The following PEX14 variants were observed in gnomAD, a reference collection of about 807,000 sequenced individuals.
PEX14 encodes peroxisomal membrane protein PEX14.
Under a neutral mutation model 49.5 loss-of-function variants are expected in PEX14, and 15 were observed. The observed-to-expected ratio is 0.30, with a 90% CI of 0.20 to 0.47. The LOEUF is 0.47. Ranked by LOEUF, PEX14 falls within the 20% of genes least tolerant of loss-of-function variation. The pLI is 1.00. For synonymous variants in PEX14, 210 were observed against 212.7 expected (o/e 0.99, Z 0.11); for missense variants, 398 against 494.8 (o/e 0.80, Z 1.86).
intron 2 of PEX14, among the ~76,000 whole-genome samples, chr1:10,518,734 T>C (rs11584327): frequency 0.41 from 62,171 of 152,046 alleles, 14,328 homozygotes; most frequent in East Asian, 0.54. Flanking sequence ...TTCCTTCAGT[T>C]GCCTGCATGG....
chr1:10,553,764 T>C (rs1639401845), intron 3 of PEX14, among the ~76,000 whole-genome samples: 1 of 152,200 alleles, frequency 6.6e-6, no homozygotes, highest in Non-Finnish European at 1.5e-5. Context: ...GTCATCTGTT[T>C]CCTCATCTGC....
intron 3 of PEX14, among the ~76,000 whole-genome samples, chr1:10,573,835 TC>T (rs2124555226): frequency 6.6e-6 from 1 of 152,348 alleles, no homozygotes; most frequent in South Asian, 2.1e-4. Flanking sequence ...GTGCGGTAGC[TC>T]ACGCCTGTAA....
Position 10,495,686 on chromosome 1 carries a change from C to A in PEX14, c.84+365C>A, listed in dbSNP as rs938849549. On this transcript the variant is annotated intron_variant, in intron 2 of 8. Transcript: ENST00000356607. This position sits in a 1 kb window ranked among gnomAD's most constrained non-coding sequence, Gnocchi z 4.2. ...AGTAGCCGCCCTCTGCTCTGCCCCT[C>A]AGGGTGCGAGCGCCTCAGTGGTCTT... Among the ~76,000 whole-genome samples, 1 of 152,198 alleles carries A rather than the reference C, an allele frequency of 6.6e-6. No individual in the cohort carries two copies. Among genetic ancestry groups the A allele is most frequent in the African/African-American group, 2.4e-5 (1 of 41,440 alleles).
At chr1:10,550,759 C>T (rs574935641) in intron 3 of PEX14, among the ~76,000 whole-genome samples, 1 of 152,230 alleles carries the variant, frequency 6.6e-6, no homozygotes, top group Non-Finnish European at 1.5e-5. Flanking sequence ...TCTCTGTCAT[C>T]ACTGAGTTGA....
chr1:10,474,958 C>T lies in PEX14; in HGVS notation c.-9C>T. 3 of 1,607,136 alleles carry T rather than the reference C, an allele frequency of 1.9e-6. No individual in the cohort carries two copies. The highest frequency in any genetic ancestry group is 1.7e-6 in the Non-Finnish European group (2 of 1,176,994). On this transcript the variant is annotated 5_prime_UTR_variant, in exon 1 of 9. Coordinates refer to ENST00000356607, the MANE Select transcript of PEX14 (RefSeq NM_004565.3). Reference sequence around the variant, plus strand: ...CCCAGCGGCGGTTGATTAGTCAGGCCTCAGAAAGATGGCGTCCTCGGAGCA... The same window carrying T: ...CCCAGCGGCGGTTGATTAGTCAGGCTTCAGAAAGATGGCGTCCTCGGAGCA...
At chr1:10,627,115 G>A (rs571124546) in intron 7 of PEX14, among the ~76,000 whole-genome samples, 157 bp from the exon 8 acceptor site, 5 of 152,348 alleles carry the variant, frequency 3.3e-5, no homozygotes, top group South Asian at 2.1e-4. Flanking sequence ...ATCCAGAGAC[G>A]TGGCAGGCAG....
Position 10,618,432 on chromosome 1 carries a change from G to T in PEX14, c.384+15G>T. 1 of 1,595,504 alleles carries T rather than the reference G, an allele frequency of 6.3e-7. No homozygotes were observed. Among genetic ancestry groups the T allele is most frequent in the Non-Finnish European group, 8.6e-7 (1 of 1,164,516 alleles). ...AGCTCTACAAGGTGAGTCACCCCCA[G>T]CGGCTGCAGGTGCTGTGCCCCTGCC... On this transcript the variant is annotated intron_variant, in intron 5 of 8. Transcript: ENST00000356607.
chr1:10,592,162 G>A (rs755970153), intron 3 of PEX14, among the ~76,000 whole-genome samples: 9 of 152,206 alleles, frequency 5.9e-5, no homozygotes, highest in Non-Finnish European at 1.0e-4. Context: ...ACAAACACAC[G>A]TTTGGCTTAC....
At chr1:10,598,014 T>C (rs1640875736) in intron 3 of PEX14, among the ~76,000 whole-genome samples, 1 of 152,198 alleles carries the variant, frequency 6.6e-6, no homozygotes, top group African/African-American at 2.4e-5. Flanking sequence ...AAGATGCTGA[T>C]CCTCAGAACC....
intron 7 of PEX14, among the ~76,000 whole-genome samples, chr1:10,625,934 G>C (rs1249371256): frequency 6.6e-6 from 1 of 152,142 alleles, no homozygotes; most frequent in Non-Finnish European, 1.5e-5. Context: ...AGCTGCATGG[G>C]GCCACTGGCT....
intron 3 of PEX14, chr1:10,536,539 C>G (rs1336047252): frequency 3.9e-6 from 2 of 518,422 alleles, no homozygotes; most frequent in Non-Finnish European, 7.1e-6. Flanking sequence ...TCCATCATGG[C>G]AAAGGCAGCA....
intron 4 of PEX14, among the ~76,000 whole-genome samples, chr1:10,615,914 CT>C (rs1178585087): frequency 1.3e-5 from 2 of 152,214 alleles, no homozygotes; most frequent in Non-Finnish European, 2.9e-5. Context: ...GTGGGGAAGC[CT>C]TTTTTCACAG....
intron 3 of PEX14, among the ~76,000 whole-genome samples, chr1:10,593,382 C>G (rs1570320852): frequency 6.6e-6 from 1 of 152,236 alleles, no homozygotes; most frequent in Non-Finnish European, 1.5e-5. Context: ...AGAGGACATT[C>G]AGCTTCAGGG....
chr1:10,517,298 TG>T (rs1416220345), intron 2 of PEX14, among the ~76,000 whole-genome samples: 2 of 151,376 alleles, frequency 1.3e-5, no homozygotes, highest in Non-Finnish European at 2.9e-5. Context: ...GCAGTGGAGG[TG>T]GGGGTGAGGG....
At chr1:10,603,954 A>T (rs1641058018) in intron 4 of PEX14, among the ~76,000 whole-genome samples, 1 of 152,210 alleles carries the variant, frequency 6.6e-6, no homozygotes, top group Non-Finnish European at 1.5e-5. Flanking sequence ...CCTGAGAGAG[A>T]GTGAGTTATT....
chr1:10,548,388 CA>C (rs1639236144), intron 3 of PEX14, among the ~76,000 whole-genome samples: 1 of 152,168 alleles, frequency 6.6e-6, no homozygotes, highest in African/African-American at 2.4e-5. Context: ...ATGTTAGAAG[CA>C]GGGATTTTTG....
At chr1:10,569,882 C>G (rs1434045224) in intron 3 of PEX14, among the ~76,000 whole-genome samples, 1 of 152,120 alleles carries the variant, frequency 6.6e-6, no homozygotes, top group Non-Finnish European at 1.5e-5. Flanking sequence ...TACCGCTTGT[C>G]TTTATTCTAC....
chr1:10,483,178 C>G (rs987963610), intron 1 of PEX14, among the ~76,000 whole-genome samples: 5 of 152,168 alleles, frequency 3.3e-5, no homozygotes, highest in Admixed American at 3.3e-4. Context: ...ATTTTTGAGA[C>G]AGGGTCTCAC....
At chr1:10,567,620 A>C (rs1002873370) in intron 3 of PEX14, among the ~76,000 whole-genome samples, 2 of 152,066 alleles carry the variant, frequency 1.3e-5, no homozygotes, top group Non-Finnish European at 2.9e-5. Flanking sequence ...TCTGCCTCCC[A>C]AGTGGCTGGG....
Sources: allele counts gnomAD v4.1 joint callset (sites outside exome capture counted in the v4.1 genomes callset), GRCh38; gene constraint gnomAD v4.1.1; non-coding constraint Gnocchi (gnomAD v3.1); transcripts MANE v1.5; gene names NCBI Gene and HGNC (gene_info 2026-07-23, HGNC 2026-07-21).